The following MGARP variants were observed in gnomAD, a reference collection of about 807,000 sequenced individuals.
MGARP encodes the protein protein MGARP.
A neutral mutation model predicts 11.0 loss-of-function variants in MGARP; 12 were observed. The observed-to-expected ratio is 1.09, with a 90% confidence interval of 0.70 to 1.77. The LOEUF (loss-of-function observed/expected upper bound fraction) is 1.77, where lower values mean the gene tolerates loss of function less well. Ranked by LOEUF, MGARP falls within the 40% of genes most tolerant of loss-of-function variation. MGARP has a pLI of 0.00. For missense variants in MGARP, 283 were observed against 297.8 expected, an observed-to-expected ratio of 0.95 and a Z score of 0.36; for synonymous variants, 110 against 115.4, an observed-to-expected ratio of 0.95 and a Z score of 0.30.
chr4:139,271,489 G>A lies in MGARP; in HGVS notation c.187-2724C>T, dbSNP rs543593464. On this transcript the variant is annotated intron_variant, in intron 2 of 3. Coordinates refer to ENST00000398955, the MANE Select transcript of MGARP (RefSeq NM_032623.4). ...TGCAGTGAGATGAGATTGCGCCATCGCACTCCAGCCTGGGGGACAAGAGAT... is the reference window on the plus strand; with the variant it reads ...TGCAGTGAGATGAGATTGCGCCATCACACTCCAGCCTGGGGGACAAGAGAT... Among the ~76,000 whole-genome samples, 26 of 152,268 alleles carry A rather than the reference G, an allele frequency of 1.7e-4. No homozygotes were observed. The South Asian group carries it at 4.8e-3, about 28-fold the overall frequency.
intron 2 of MGARP, among the ~76,000 whole-genome samples, chr4:139,274,019 T>C (rs1228501772): frequency 6.6e-6 from 1 of 152,204 alleles, no homozygotes; most frequent in African/African-American, 2.4e-5. Context: ...ACTTTATATA[T>C]GTCTATGTTG....
At chr4:139,273,246 G>T (rs1245491663) in intron 2 of MGARP, among the ~76,000 whole-genome samples, 1 of 151,480 alleles carries the variant, frequency 6.6e-6, no homozygotes, top group African/African-American at 2.4e-5. Flanking sequence ...TTGAGACAGG[G>T]TCTTGTTCTG....
In MGARP at chr4:139,279,504, C is replaced by T. The variant is rs375335460; in HGVS notation, c.82+573G>A. ...TGTGGATCTCAGAGCCAGGCGCTCG[C>T]GGGGTTCAGGCTGCTGAGACCCTGC... On this transcript the variant is annotated intron_variant, in intron 1 of 3. Coordinates refer to ENST00000398955, the MANE Select transcript of MGARP (RefSeq NM_032623.4). 7.2e-5 allele frequency among the ~76,000 whole-genome samples: 11 copies of T among 152,222 alleles called. No individual in the cohort carries two copies. The East Asian group carries it at 7.8e-4, about 11-fold the overall frequency.
intron 1 of MGARP, among the ~76,000 whole-genome samples, chr4:139,277,455 T>C (rs1356123203): frequency 1.3e-5 from 2 of 152,210 alleles, no homozygotes; most frequent in African/African-American, 4.8e-5. Flanking sequence ...ATAGGGAATA[T>C]ATAGCCTTCA....
At chr4:139,279,859 G>T (rs1744929583) in intron 1 of MGARP, among the ~76,000 whole-genome samples, 1 of 152,196 alleles carries the variant, frequency 6.6e-6, no homozygotes, top group Non-Finnish European at 1.5e-5. Context: ...AGATAATCTG[G>T]ACTCTGAGGC....
chr4:139,276,501 A>G (rs1207166427), intron 1 of MGARP, among the ~76,000 whole-genome samples: 1 of 152,156 alleles, frequency 6.6e-6, no homozygotes, highest in Non-Finnish European at 1.5e-5. Flanking sequence ...GTATAAAAGC[A>G]TGAGAGATTC....
intron 1 of MGARP, among the ~76,000 whole-genome samples, chr4:139,275,622 C>A (rs1744854897): frequency 6.6e-6 from 1 of 152,132 alleles, no homozygotes. Flanking sequence ...TGCTGAGCAT[C>A]ATGCCTTCTT....
chr4:139,266,672 G>A lies in MGARP; in HGVS notation c.650C>T (p.Ser217Leu), dbSNP rs1222858078. Residue 217 changes from serine (S) to leucine (L), a missense_variant, in exon 4 of 4, where the codon TCA (serine) becomes TTA (leucine). Coordinates refer to ENST00000398955, the MANE Select transcript of MGARP (RefSeq NM_032623.4). Reference protein sequence around the residue: ...ELEEENSPAESESSAGDDLQE... With the variant: ...ELEEENSPAELESSAGDDLQE... ...TAAATCATCTCCAGCAGAGGACTCTGACTCAGCTGGAGAATTTTCTTCTTC... is the reference window on the plus strand; with the variant it reads ...TAAATCATCTCCAGCAGAGGACTCTAACTCAGCTGGAGAATTTTCTTCTTC... 1 of 1,614,128 alleles carries A rather than the reference G, an allele frequency of 6.2e-7. No individual in the cohort carries two copies. The highest frequency in any genetic ancestry group is 1.3e-5 in the African/African-American group (1 of 75,044).
In MGARP at chr4:139,280,058, G is replaced by A; in HGVS notation, c.82+19C>T. On this transcript the variant is annotated intron_variant, in intron 1 of 3. Coordinates refer to ENST00000398955, the MANE Select transcript of MGARP (RefSeq NM_032623.4). Reference sequence around the variant, plus strand: ...CCGAGGCGCCCGTCCTCCTCTCCGGGCTAGACCTCCTTACTCACCGTCCTT... The same window carrying A: ...CCGAGGCGCCCGTCCTCCTCTCCGGACTAGACCTCCTTACTCACCGTCCTT... 6.2e-7 allele frequency: 1 copy of A among 1,611,432 alleles called. No homozygotes were observed. Among genetic ancestry groups the A allele is most frequent in the South Asian group, 1.1e-5 (1 of 91,008 alleles).
chr4:139,270,298 CAA>C (rs963066917), intron 2 of MGARP, among the ~76,000 whole-genome samples: 95 of 66,426 alleles, frequency 1.4e-3, no homozygotes, highest in African/African-American at 4.3e-3. Context: ...AACTCCGTCT[CAA>C]AAAAAAAAAA....
chr4:139,266,271 T>C lies in MGARP; in HGVS notation c.*328A>G. The C allele has an allele frequency of 9.0e-6, 2 of 222,482 alleles. No homozygotes were observed. Among genetic ancestry groups the C allele is most frequent in the South Asian group, 9.4e-5 (1 of 10,688 alleles). 13.8% of individuals were successfully genotyped at this position (222,482 alleles called of 1,614,324 possible). A position where few individuals can be genotyped will look rare whatever the true frequency, so the allele number is the denominator to read the frequency against. On this transcript the variant is annotated 3_prime_UTR_variant, in exon 4 of 4. Coordinates refer to ENST00000398955, the MANE Select transcript of MGARP (RefSeq NM_032623.4). The stretch of plus-strand genomic sequence containing the variant: ...TTAAAGTAAATACAGGTTGTATGGA[T>C]AGCTCAATTTCTTTAATATAAAATG...
At position 139,266,629 on chromosome 4, in the gene MGARP, A is replaced by T; in HGVS notation, c.693T>A (p.Val231=). Residue 231 remains valine (V), a synonymous_variant, in exon 4 of 4, where the codon GTT becomes GTA. Coordinates refer to ENST00000398955, the MANE Select transcript of MGARP (RefSeq NM_032623.4). ...AGDDLQEEAS[V]GSEAASAQG ...CTTGAGCCGAAGCAGCCTCAGAGCC[A>T]ACACTGGCTTCCTCCTGTAAATCAT... 1 of 1,613,960 alleles carries T rather than the reference A, an allele frequency of 6.2e-7. No homozygotes were observed. Among genetic ancestry groups the T allele is most frequent in the South Asian group, 1.1e-5 (1 of 91,088 alleles).
In MGARP at chr4:139,266,732, G is replaced by T. The variant is rs1481134786; in HGVS notation, c.590C>A (p.Thr197Lys). ...AVTIDNDKDT[T>K]KNETSDEYAE... ...ATATTCATCAGAGGTTTCGTTCTTT[G>T]TTGTATCTTTATCATTATCGATGGT... The change falls in exon 4 of 4, where the codon ACA becomes AAA. Residue 197 changes from threonine to lysine, a missense_variant. Thr to Lys is a moderately conservative substitution (Grantham distance 78, BLOSUM62 -1). Coordinates refer to ENST00000398955, the MANE Select transcript of MGARP (RefSeq NM_032623.4). The T allele has an allele frequency of 6.2e-7, 1 of 1,614,138 alleles. No homozygotes were observed. The highest frequency in any genetic ancestry group is 1.1e-5 in the South Asian group (1 of 91,078).
Position 139,266,518 on chromosome 4 carries a change from T to A in MGARP, c.*81A>T, listed in dbSNP as rs994146436. The A allele has an allele frequency of 1.5e-5, 19 of 1,239,402 alleles. No homozygotes were observed. The highest frequency in any genetic ancestry group is 9.4e-5 in the South Asian group (6 of 63,828). The allele number at this position is 1,239,402 out of a possible 1,614,324, so 76.8% of individuals were successfully genotyped here. On this transcript the variant is annotated 3_prime_UTR_variant, in exon 4 of 4. Transcript: ENST00000398955. ...TCTAGAAAATAAGTCTTTTTTTTTT[T>A]AAACTAAGTGTACTAAAAACACAAA...
At chr4:139,273,597 C>T (rs768234072) in intron 2 of MGARP, among the ~76,000 whole-genome samples, 9 of 151,220 alleles carry the variant, frequency 6.0e-5, no homozygotes, top group Admixed American at 1.3e-4. Context: ...TCACTGCGAC[C>T]TCCACCTCCT....
chr4:139,266,575 G>C lies in MGARP; in HGVS notation c.*24C>G. ...TATCAGACACCCTATGGCATTTGTT[G>C]CTGAAATGTCTACCGGCTGGAGATT... On this transcript the variant is annotated 3_prime_UTR_variant, in exon 4 of 4. Coordinates refer to ENST00000398955, the MANE Select transcript of MGARP (RefSeq NM_032623.4). 6.3e-7 allele frequency: 1 copy of C among 1,597,716 alleles called. No individual in the cohort carries two copies.
At chr4:139,277,436 T>C (rs1004181037) in intron 1 of MGARP, among the ~76,000 whole-genome samples, 1 of 152,206 alleles carries the variant, frequency 6.6e-6, no homozygotes, top group Non-Finnish European at 1.5e-5. Flanking sequence ...AAAGTACATC[T>C]GTGATCAAAT....
intron 1 of MGARP, among the ~76,000 whole-genome samples, chr4:139,278,145 T>C (rs1391793649): frequency 1.3e-5 from 2 of 152,154 alleles, no homozygotes; most frequent in African/African-American, 4.8e-5. Flanking sequence ...GAGAATCACT[T>C]GGATCCGGGA....
chr4:139,278,228 A>C (rs1744902003), intron 1 of MGARP, among the ~76,000 whole-genome samples: 1 of 151,916 alleles, frequency 6.6e-6, no homozygotes, highest in Non-Finnish European at 1.5e-5. Flanking sequence ...ACTCTGTCTC[A>C]AAAAAATAAA....
Sources: allele counts gnomAD v4.1 joint callset (sites outside exome capture counted in the v4.1 genomes callset), GRCh38; gene constraint gnomAD v4.1.1; transcripts MANE v1.5; gene names NCBI Gene and HGNC (gene_info 2026-07-23, HGNC 2026-07-21).